Variants in IMMP2L observed in about 807,000 individuals in gnomAD.
IMMP2L encodes the protein inner mitochondrial membrane peptidase subunit 2.
IMMP2L carries 18 observed loss-of-function variants against 19.3 expected under a neutral mutation model. The observed-to-expected ratio is 0.93, with a 90% CI of 0.64 to 1.38. The LOEUF is 1.38. Among genes scored for constraint, IMMP2L ranks in the 40% most tolerant of loss-of-function variants. IMMP2L has a pLI of 0.00. For synonymous variants in IMMP2L, 76 were observed against 73.0 expected (o/e 1.04, Z -0.21); for missense variants, 233 against 218.2 (o/e 1.07, Z -0.43).
At chr7:111,419,435 A>T (rs1171673267) in intron 3 of IMMP2L, among the ~76,000 whole-genome samples, 1 of 151,686 alleles carries the variant, frequency 6.6e-6, no homozygotes, top group East Asian at 1.9e-4. Flanking sequence ...GGAAAAGTCG[A>T]TCTGGGAACT....
chr7:111,249,968 CTTTG>C (rs1249880678), intron 3 of IMMP2L, among the ~76,000 whole-genome samples: 1 of 152,152 alleles, frequency 6.6e-6, no homozygotes, highest in Non-Finnish European at 1.5e-5. Flanking sequence ...GTCAAATTAT[CTTTG>C]TTTGCAGATG....
At chr7:110,979,447 C>G (rs1196356891) in intron 3 of IMMP2L, among the ~76,000 whole-genome samples, 1 of 151,940 alleles carries the variant, frequency 6.6e-6, no homozygotes, top group Non-Finnish European at 1.5e-5. Flanking sequence ...AATTAATAGT[C>G]TATCATTACT....
At chr7:110,898,441 A>T (rs534537437) in intron 4 of IMMP2L, among the ~76,000 whole-genome samples, 1 of 152,242 alleles carries the variant, frequency 6.6e-6, no homozygotes, top group African/African-American at 2.4e-5. Flanking sequence ...TCACTACGCT[A>T]AGCTAAGGAT....
intron 3 of IMMP2L, among the ~76,000 whole-genome samples, chr7:111,074,628 G>A (rs1052235152): frequency 1.3e-5 from 2 of 152,154 alleles, no homozygotes; most frequent in African/African-American, 4.8e-5. Context: ...CATCTACACA[G>A]ACACAGCTGG....
chr7:111,412,718 T>C (rs1426745794), intron 3 of IMMP2L, among the ~76,000 whole-genome samples: 1 of 151,752 alleles, frequency 6.6e-6, no homozygotes, highest in Non-Finnish European at 1.5e-5. Context: ...ATCAATTTAA[T>C]CAATTAAATA....
chr7:111,124,295 C>A (rs771306288), intron 3 of IMMP2L: 2 of 1,613,858 alleles, frequency 1.2e-6, no homozygotes, highest in Admixed American at 3.3e-5. Context: ...GACTTGAAGT[C>A]TGTTATGATC....
At chr7:110,771,656 G>T (rs186869501) in intron 5 of IMMP2L, among the ~76,000 whole-genome samples, 1 of 152,246 alleles carries the variant, frequency 6.6e-6, no homozygotes, top group East Asian at 1.9e-4. Flanking sequence ...CATATTAAAT[G>T]TTAACTAAAC....
intron 3 of IMMP2L, among the ~76,000 whole-genome samples, chr7:111,393,899 G>C (rs1180068238): frequency 1.3e-5 from 2 of 152,084 alleles, no homozygotes; most frequent in East Asian, 1.9e-4. Context: ...GAGGCCCAAA[G>C]ATAGCCAAGA....
At chr7:111,491,583 A>G (rs773564138) in intron 2 of IMMP2L, among the ~76,000 whole-genome samples, 21 of 152,170 alleles carry the variant, frequency 1.4e-4, no homozygotes, top group Non-Finnish European at 2.4e-4. Context: ...ATATGGTAGC[A>G]TAAGTCCAAA....
chr7:111,452,096 T>A (rs544676400), intron 3 of IMMP2L, among the ~76,000 whole-genome samples: 1 of 152,180 alleles, frequency 6.6e-6, no homozygotes, highest in South Asian at 2.1e-4. Context: ...TTTAGACTTA[T>A]GTTTTTCTAG....
chr7:111,255,029 A>G (rs912011044), intron 3 of IMMP2L, among the ~76,000 whole-genome samples: 3 of 152,120 alleles, frequency 2.0e-5, no homozygotes, highest in Non-Finnish European at 4.4e-5. Context: ...TTTTTAATCT[A>G]TAATCTACAT....
chr7:111,081,498 G>A (rs1259580856), intron 3 of IMMP2L, among the ~76,000 whole-genome samples: 1 of 152,182 alleles, frequency 6.6e-6, no homozygotes, highest in Non-Finnish European at 1.5e-5. Context: ...TGACCAACCT[G>A]TGCACAGAGG....
intron 3 of IMMP2L, among the ~76,000 whole-genome samples, chr7:111,126,924 T>G (rs943947181): frequency 2.0e-5 from 3 of 152,198 alleles, no homozygotes; most frequent in Non-Finnish European, 4.4e-5. Context: ...TATAAACATT[T>G]CCAGCACTGT....
chr7:110,693,921 C>T (rs1793685689), intron 5 of IMMP2L, among the ~76,000 whole-genome samples: 1 of 152,120 alleles, frequency 6.6e-6, no homozygotes, highest in African/African-American at 2.4e-5. Context: ...TATAGAGACC[C>T]TCGCAAGTGG....
chr7:111,556,016 A>ATG (rs1308276307), intron 1 of IMMP2L, among the ~76,000 whole-genome samples: 2 of 14,222 alleles, frequency 1.4e-4, no homozygotes, highest in African/African-American at 2.4e-4. Flanking sequence ...TTCTGTGTGC[A>ATG]TGTATATATA....
chr7:111,520,728 T>C (rs1846253195), intron 2 of IMMP2L, among the ~76,000 whole-genome samples: 1 of 152,138 alleles, frequency 6.6e-6, no homozygotes, highest in African/African-American at 2.4e-5. Flanking sequence ...GTTCTAGACA[T>C]CAACTTTAGG....
intron 5 of IMMP2L, among the ~76,000 whole-genome samples, chr7:110,867,617 T>A (rs1243870976): frequency 5.9e-5 from 9 of 151,900 alleles, no homozygotes; most frequent in African/African-American, 2.2e-4. Context: ...TTTTGATAAG[T>A]TTCTGTGAAT....
intron 5 of IMMP2L, among the ~76,000 whole-genome samples, chr7:110,680,983 C>T (rs943375596): frequency 1.3e-5 from 2 of 151,744 alleles, no homozygotes; most frequent in Admixed American, 6.6e-5. Context: ...GCCTAGTTTT[C>T]GTTGCAATTT....
At chr7:111,559,018 T>C (rs991404244) in intron 1 of IMMP2L, among the ~76,000 whole-genome samples, 28 of 152,250 alleles carry the variant, frequency 1.8e-4, no homozygotes, top group African/African-American at 6.5e-4. Flanking sequence ...AAGAAACCTA[T>C]GGGAAATGTG....
Sources: gnomAD v4.1 joint callset for allele counts (sites outside exome capture counted in the v4.1 genomes callset) on GRCh38, gnomAD v4.1.1 for gene constraint, MANE v1.5 for transcripts, NCBI Gene and HGNC (gene_info 2026-07-23, HGNC 2026-07-21) for gene names.